Variants in SEL1L2 observed in about 807,000 individuals in gnomAD.
The protein encoded by SEL1L2 is protein sel-1 homolog 2.
Under a neutral mutation model 98.8 loss-of-function variants are expected in SEL1L2, and 89 were observed. The observed-to-expected ratio is 0.90, with a 90% CI of 0.76 to 1.07. The LOEUF is 1.07. SEL1L2 is among the 50% of genes least tolerant of loss of function. The pLI is 0.00. For synonymous variants in SEL1L2, 262 were observed against 278.5 expected (o/e 0.94, Z 0.59); for missense variants, 788 against 812.0 (o/e 0.97, Z 0.36).
intron 3 of SEL1L2, among the ~76,000 whole-genome samples, chr20:13,930,699 C>T (rs553998072): frequency 1.8e-4 from 28 of 152,272 alleles, no homozygotes; most frequent in African/African-American, 6.7e-4. Context: ...CTTGTCAAAG[C>T]TGGACTCTCA....
In SEL1L2 at chr20:13,887,977, T is replaced by A; in HGVS notation, c.628A>T (p.Ser210Cys). 6.2e-7 allele frequency: 1 copy of A among 1,613,780 alleles called. No individual in the cohort carries two copies. Among genetic ancestry groups the A allele is most frequent in the South Asian group, 1.1e-5 (1 of 91,056 alleles). Residue 210 changes from serine (S) to cysteine (C), a missense_variant, in exon 7 of 20, where the codon AGT (serine) becomes TGT (cysteine). Ser to Cys is a moderately radical substitution (Grantham distance 112, BLOSUM62 -1). Coordinates refer to ENST00000284951, the MANE Select transcript of SEL1L2 (RefSeq NM_025229.2). ...TGGGACATCATGTTTCCTCCAGCAC[T>A]TCCAAAGGTGTAATATATCAGTGCC... The part of the protein sequence containing the change: ...AKALIYYTFG[S>C]AGGNMMSQMI...
intron 1 of SEL1L2, among the ~76,000 whole-genome samples, chr20:13,958,577 A>G (rs2050644127): frequency 1.3e-5 from 2 of 152,168 alleles, no homozygotes; most frequent in African/African-American, 2.4e-5. Context: ...ACAACCTGCC[A>G]CATCAACAAC....
chr20:13,872,062 G>T (rs538587863), intron 12 of SEL1L2, among the ~76,000 whole-genome samples: 6 of 152,184 alleles, frequency 3.9e-5, no homozygotes, highest in African/African-American at 1.4e-4. Flanking sequence ...CTATTGTAAG[G>T]GTTCTTAAGG....
chr20:13,913,747 A>G, intron 5 of SEL1L2, 35 bp downstream of exon 5: 2 of 1,476,822 alleles, frequency 1.4e-6, no homozygotes, highest in Non-Finnish European at 1.8e-6. Context: ...TTCAGGATGG[A>G]GCTATTTAAG....
Position 13,850,227 on chromosome 20 carries a change from T to A in SEL1L2, c.1911A>T (p.Glu637Asp). 1 of 1,613,984 alleles carries A rather than the reference T, an allele frequency of 6.2e-7. No individual in the cohort carries two copies. ...IPVLFAVMKLETTHLLRDILF... is the reference protein window; with the variant it reads ...IPVLFAVMKLDTTHLLRDILF... ...GGATATCCCGGAGCAAATGCGTAGT[T>A]TCCAGTTTCATGACGGCAAAGAGCA... The change falls in exon 19 of 20, where the codon GAA (glutamate) becomes GAT (aspartate). Residue 637 changes from glutamate to aspartate, a missense_variant. Glu to Asp is a conservative substitution (Grantham distance 45). Transcript: ENST00000284951.
intron 3 of SEL1L2, among the ~76,000 whole-genome samples, chr20:13,920,455 C>A (rs934712162): frequency 1.8e-4 from 28 of 151,964 alleles, no homozygotes; most frequent in African/African-American, 6.3e-4. Context: ...TTTAAAAAAT[C>A]ATCACCAGTT....
intron 5 of SEL1L2, among the ~76,000 whole-genome samples, chr20:13,908,951 T>G (rs887926998): frequency 6.6e-6 from 1 of 150,992 alleles, no homozygotes; most frequent in Admixed American, 6.6e-5. Context: ...TAATAGGAAT[T>G]CCTATCTTTT....
At chr20:13,987,224 C>T (rs376984775) in intron 1 of SEL1L2, among the ~76,000 whole-genome samples, 29 of 152,062 alleles carry the variant, frequency 1.9e-4, no homozygotes, top group African/African-American at 6.5e-4. Context: ...CACTGTTTTC[C>T]ACAGTGACTA....
chr20:13,958,864 A>G (rs2050658137), intron 1 of SEL1L2, among the ~76,000 whole-genome samples: 1 of 150,280 alleles, frequency 6.7e-6, no homozygotes, highest in African/African-American at 2.4e-5. Flanking sequence ...CAGAGCTTGC[A>G]GTGAGCTGAG....
chr20:13,870,748 C>T (rs1383157960), intron 12 of SEL1L2, among the ~76,000 whole-genome samples: 1 of 151,978 alleles, frequency 6.6e-6, no homozygotes, highest in East Asian at 1.9e-4. Flanking sequence ...CATGGTGAAA[C>T]CCTGTCTCTA....
chr20:13,953,774 A>G (rs928396808), intron 2 of SEL1L2, among the ~76,000 whole-genome samples: 2 of 152,134 alleles, frequency 1.3e-5, no homozygotes, highest in Non-Finnish European at 2.9e-5. Context: ...TCGCCCTTCA[A>G]AGTGTCTGCA....
At chr20:13,990,941 A>G (rs147883383), upstream of SEL1L2, among the ~76,000 whole-genome samples, 28 of 152,318 alleles carry the variant, frequency 1.8e-4, no homozygotes, top group African/African-American at 6.3e-4. Context: ...AGGTACATGA[A>G]CTGATCTGAC....
At chr20:13,881,839 T>A (rs1193387431) in intron 10 of SEL1L2, among the ~76,000 whole-genome samples, 1 of 152,206 alleles carries the variant, frequency 6.6e-6, no homozygotes, top group African/African-American at 2.4e-5. Context: ...ATTAGCATGC[T>A]GGCTCAAGTG....
chr20:13,917,436 G>A (rs945405945), intron 4 of SEL1L2, among the ~76,000 whole-genome samples: 1 of 152,112 alleles, frequency 6.6e-6, no homozygotes, highest in African/African-American at 2.4e-5. Flanking sequence ...TTTCCTTCTT[G>A]TAATTTGGAG....
intron 18 of SEL1L2, among the ~76,000 whole-genome samples, chr20:13,855,606 T>C (rs1989027804): frequency 6.6e-6 from 1 of 152,226 alleles, no homozygotes; most frequent in African/African-American, 2.4e-5. Context: ...AAAGCGTATG[T>C]TCCTGGTTGG....
At chr20:13,965,247 T>A (rs188029205) in intron 1 of SEL1L2, among the ~76,000 whole-genome samples, 63 of 152,320 alleles carry the variant, frequency 4.1e-4, no homozygotes, top group African/African-American at 1.5e-3. Flanking sequence ...AGACACTCAT[T>A]CAGGCTGACA....
intron 3 of SEL1L2, among the ~76,000 whole-genome samples, chr20:13,930,033 C>T (rs960725817): frequency 2.6e-5 from 4 of 152,304 alleles, no homozygotes; most frequent in South Asian, 2.1e-4. Context: ...TTAGGCAATC[C>T]GCCCACCTCA....
At chr20:13,985,649 C>T (rs936512933) in intron 1 of SEL1L2, among the ~76,000 whole-genome samples, 1 of 152,196 alleles carries the variant, frequency 6.6e-6, no homozygotes, top group African/African-American at 2.4e-5. Context: ...CTTATATCCC[C>T]AATACTCCTG....
chr20:13,952,673 C>T (rs2050327196), intron 2 of SEL1L2, among the ~76,000 whole-genome samples: 1 of 152,168 alleles, frequency 6.6e-6, no homozygotes, highest in African/African-American at 2.4e-5. Context: ...AGATGGGTAG[C>T]CATTCATCTT....
Sources: allele counts gnomAD v4.1 joint callset (sites outside exome capture counted in the v4.1 genomes callset), GRCh38; gene constraint gnomAD v4.1.1; transcripts MANE v1.5; gene names NCBI Gene and HGNC (gene_info 2026-07-23, HGNC 2026-07-21).